SEMA5B: variants seen among roughly 807,000 people sequenced by gnomAD.
SEMA5B encodes semaphorin-5B.
In SEMA5B, 66 loss-of-function variants were observed where a neutral mutation model predicts 135.0. The observed-to-expected ratio is 0.49, with a 90% CI of 0.40 to 0.60. The LOEUF (loss-of-function observed/expected upper bound fraction) is 0.60. Ranked by LOEUF, SEMA5B falls within the 20% of genes least tolerant of loss-of-function variation. SEMA5B has a pLI of 0.00. For missense variants in SEMA5B, 1,501 were observed against 1,566.3 expected (o/e 0.96, Z 0.70); for synonymous variants, 690 against 639.5 (o/e 1.08, Z -1.19).
In SEMA5B at chr3:122,910,910, G is replaced by A. The variant is rs375930950; in HGVS notation, c.3227C>T (p.Thr1076Ile). The change falls in exon 22 of 23, where the codon ACC (threonine) becomes ATC (isoleucine). Residue 1076 changes from threonine to isoleucine, a missense_variant. Around this residue, in one of 2 missense-constraint regions of SEMA5B, gnomAD observed 927 missense variants for 881.6 expected, o/e 1.05. Transcript: ENST00000357599. Reference sequence around the variant, plus strand: ...GCCCTTGTAGTGCAAATGGTTGGGGGTGGCAGGATGGACCAGTGTGGACTC... The same window carrying A: ...GCCCTTGTAGTGCAAATGGTTGGGGATGGCAGGATGGACCAGTGTGGACTC... ...SQESTLVHPA[T>I]PNHLHYKGGG... 2 of 1,613,828 alleles carry A rather than the reference G, an allele frequency of 1.2e-6. No individual in the cohort carries two copies.
At chr3:122,965,256 C>A (rs967282376) in intron 1 of SEMA5B, among the ~76,000 whole-genome samples, 3 of 152,166 alleles carry the variant, frequency 2.0e-5, no homozygotes, top group Non-Finnish European at 4.4e-5. Context: ...GAAATTCATT[C>A]CCCCATTGTC....
At chr3:122,965,448 G>A (rs1352138739) in intron 1 of SEMA5B, among the ~76,000 whole-genome samples, 2 of 152,220 alleles carry the variant, frequency 1.3e-5, no homozygotes, top group Non-Finnish European at 2.9e-5. Flanking sequence ...GACTCAGTGG[G>A]CACCAATCCC....
chr3:122,938,389 A>G (rs1939397300), intron 5 of SEMA5B, among the ~76,000 whole-genome samples: 1 of 152,136 alleles, frequency 6.6e-6, no homozygotes, highest in African/African-American at 2.4e-5. Flanking sequence ...CTTCCCTTCC[A>G]ATGGGCACAG....
At chr3:122,970,369 T>C (rs1261374520) in intron 1 of SEMA5B, among the ~76,000 whole-genome samples, 2 of 152,234 alleles carry the variant, frequency 1.3e-5, no homozygotes, top group Non-Finnish European at 2.9e-5. Flanking sequence ...GGAGGGCTTG[T>C]TACAACCGAT....
intron 3 of SEMA5B, among the ~76,000 whole-genome samples, chr3:122,946,934 G>C (rs1202650763): frequency 6.6e-6 from 1 of 152,096 alleles, no homozygotes; most frequent in African/African-American, 2.4e-5. Context: ...GGCACACACA[G>C]AAGACATCTC....
intron 3 of SEMA5B, among the ~76,000 whole-genome samples, chr3:122,948,080 G>C (rs2107549659): frequency 6.6e-6 from 1 of 152,238 alleles, no homozygotes; most frequent in Middle Eastern, 3.4e-3. Flanking sequence ...CAGGGCCCTT[G>C]CACCGGGGTT....
rs146381076 is a variant in SEMA5B, at chr3:122,975,942, T to A, written c.-38-14641A>T. Reference sequence around the variant, plus strand: ...CCCCTCTCTGGCCATTCCCCCTCCATCCAACCTCCTCAACACATCCCAAAT... The same window carrying A: ...CCCCTCTCTGGCCATTCCCCCTCCAACCAACCTCCTCAACACATCCCAAAT... On this transcript the variant is annotated intron_variant, in intron 1 of 22. Coordinates refer to ENST00000357599, the MANE Select transcript of SEMA5B (RefSeq NM_001031702.4). 14,357 of 1,522,180 alleles carry A rather than the reference T, an allele frequency of 9.4e-3. 106 individuals carry two copies. Among genetic ancestry groups the A allele is most frequent in the Non-Finnish European group, 0.01 (11,834 of 1,138,260 alleles). The allele number at this position is 1,522,180 out of a possible 1,614,324, so 94.3% of individuals were successfully genotyped here. A position where few individuals can be genotyped will look rare whatever the true frequency, so the allele number is the denominator to read the frequency against.
At chr3:123,022,433 A>G (rs1321369501) in intron 1 of SEMA5B, among the ~76,000 whole-genome samples, 1 of 152,244 alleles carries the variant, frequency 6.6e-6, no homozygotes, top group East Asian at 1.9e-4. Flanking sequence ...CAATGAGGAC[A>G]GTGTCATGGC....
At chr3:122,976,687 A>G (rs2107665498) in intron 1 of SEMA5B, among the ~76,000 whole-genome samples, 1 of 152,244 alleles carries the variant, frequency 6.6e-6, no homozygotes, top group Admixed American at 6.5e-5. Context: ...TATCCATTTT[A>G]TTTTTTGATG....
At chr3:122,958,205 G>A in intron 2 of SEMA5B, 1 of 152,246 alleles carries the variant, frequency 6.6e-6, no homozygotes, top group African/African-American at 2.4e-5. Context: ...GCTTCCTTTA[G>A]TCCCCACCTC....
At position 122,912,324 on chromosome 3, in the gene SEMA5B, C is replaced by A. The variant is rs761475449; in HGVS notation, c.2744G>T (p.Cys915Phe). 2.5e-6 allele frequency: 4 copies of A among 1,603,550 alleles called. No individual in the cohort carries two copies. The African/African-American group carries it at 4.0e-5, about 16-fold the overall frequency. ...TGAGCATGGAGACCATGAGGTCCAG[C>A]AGGACCAAGCACCCCGAACTGCAAG... The part of the protein sequence containing the change: ...QACPVRGAWS[C>F]WTSWSPCSAS... The change falls in exon 19 of 23, where the codon TGC (cysteine) becomes TTC (phenylalanine). Residue 915 changes from cysteine (C) to phenylalanine (F), a missense_variant. Around this residue, in one of 2 missense-constraint regions of SEMA5B, gnomAD observed 927 missense variants for 881.6 expected, o/e 1.05. Coordinates refer to ENST00000357599, the MANE Select transcript of SEMA5B (RefSeq NM_001031702.4).
intron 1 of SEMA5B, among the ~76,000 whole-genome samples, chr3:122,997,225 A>G (rs768592133): frequency 9.2e-5 from 14 of 152,174 alleles, no homozygotes; most frequent in Non-Finnish European, 1.9e-4. Flanking sequence ...CCCAGGTCAC[A>G]GACTTTTCCG....
intron 1 of SEMA5B, among the ~76,000 whole-genome samples, chr3:122,973,684 G>A (rs140174162): frequency 6.6e-6 from 1 of 152,288 alleles, no homozygotes; most frequent in East Asian, 1.9e-4. Context: ...GCTGAACGAT[G>A]CTGCAAACTT....
chr3:123,021,442 A>G (rs1942672212), intron 1 of SEMA5B, among the ~76,000 whole-genome samples: 1 of 152,258 alleles, frequency 6.6e-6, no homozygotes, highest in African/African-American at 2.4e-5. Context: ...CTACAGATAT[A>G]GAGTTACTCA....
intron 12 of SEMA5B, 129 bp downstream of exon 12, chr3:122,921,786 A>C: frequency 1.5e-6 from 1 of 649,828 alleles, no homozygotes; most frequent in Non-Finnish European, 2.5e-6. Flanking sequence ...AGCGAGGTGG[A>C]GTGACTTGTC....
intron 1 of SEMA5B, among the ~76,000 whole-genome samples, chr3:122,984,097 G>A (rs905614638): frequency 1.3e-5 from 2 of 152,236 alleles, no homozygotes; most frequent in African/African-American, 4.8e-5. Flanking sequence ...GTTTTGCTAT[G>A]GCGGGCTTGC....
At position 122,910,960 on chromosome 3, in the gene SEMA5B, G is replaced by A. The variant is rs758839332; in HGVS notation, c.3177C>T (p.Cys1059=). The change falls in exon 22 of 23, where the codon TGC becomes TGT. Residue 1059 remains cysteine (C), a synonymous_variant. Coordinates refer to ENST00000357599, the MANE Select transcript of SEMA5B (RefSeq NM_001031702.4). ...CCTGGGACTGACGCTGGCAGTGCTGGCAAGACAGGTACACTGCTAGGGTCA... is the reference window on the plus strand; with the variant it reads ...CCTGGGACTGACGCTGGCAGTGCTGACAAGACAGGTACACTGCTAGGGTCA... ...GLLTLAVYLS[C]QHCQRQSQES... is the part of the protein sequence containing the mutation. 5 of 1,613,866 alleles carry A rather than the reference G, an allele frequency of 3.1e-6. No individual in the cohort carries two copies. Among genetic ancestry groups the A allele is most frequent in the Admixed American group, 3.3e-5 (2 of 60,004 alleles).
rs899309720 is a variant in SEMA5B, at chr3:122,938,372, C to T, written c.474+1053G>A. ...TTTCTTTCAACTTGCCCTAGTTCCT[C>T]CCAACCCTTCCCTTCCAATGGGCAC... On this transcript the variant is annotated intron_variant, in intron 5 of 22. Transcript: ENST00000357599. Among the ~76,000 whole-genome samples the T allele has an allele frequency of 5.3e-5, 8 of 152,124 alleles. No individual in the cohort carries two copies. In the South Asian group the frequency reaches 1.7e-3, roughly 32 times the overall value.
At chr3:122,911,272 G>C in intron 21 of SEMA5B, 1 of 1,369,622 alleles carries the variant, frequency 7.3e-7, no homozygotes, top group Non-Finnish European at 9.8e-7. Context: ...AGGGTCTAGA[G>C]TCAGATGACT....
Sources: allele counts gnomAD v4.1 joint callset (sites outside exome capture counted in the v4.1 genomes callset), GRCh38; gene constraint gnomAD v4.1.1; regional missense constraint gnomAD v4.1.1; transcripts MANE v1.5; gene names NCBI Gene and HGNC (gene_info 2026-07-23, HGNC 2026-07-21).